ZNF44: variants seen among roughly 807,000 people sequenced by gnomAD.
The protein encoded by ZNF44 is zinc finger protein 44.
ZNF44 carries 9 observed loss-of-function variants against 11.7 expected under a neutral mutation model. The observed-to-expected ratio is 0.77, with a 90% confidence interval of 0.46 to 1.35. ZNF44 has a LOEUF of 1.35. Ranked by LOEUF, ZNF44 falls within the 40% of genes most tolerant of loss-of-function variation. The pLI, the probability that ZNF44 is intolerant of heterozygous loss-of-function variation, is 0.00. For missense variants in ZNF44, 696 were observed against 743.1 expected (o/e 0.94, Z 0.74); for synonymous variants, 224 against 242.7 (o/e 0.92, Z 0.72).
chr19:12,274,573 C>CTTT (rs561043995), intron 3 of ZNF44, among the ~76,000 whole-genome samples: 2 of 141,552 alleles, frequency 1.4e-5, no homozygotes, highest in African/African-American at 5.2e-5. Context: ...TGCGCCTGGC[C>CTTT]TTTTTTTTTT....
chr19:12,254,815 G>C (rs1917174729), intron 5 of ZNF44, among the ~76,000 whole-genome samples: 1 of 152,166 alleles, frequency 6.6e-6, no homozygotes, highest in Non-Finnish European at 1.5e-5. Context: ...GCTAGGCGTG[G>C]TGGCTCACGC....
intron 3 of ZNF44, among the ~76,000 whole-genome samples, chr19:12,227,742 TAG>T (rs1568416769): frequency 7.9e-5 from 12 of 152,244 alleles, no homozygotes; most frequent in African/African-American, 2.9e-4. Flanking sequence ...GTCAGAATTA[TAG>T]GAGTCTCCCA....
intron 5 of ZNF44, chr19:12,250,388 T>C (rs1333879924): frequency 7.4e-7 from 1 of 1,343,518 alleles, no homozygotes; most frequent in African/African-American, 1.5e-5. Flanking sequence ...TCCAAATGTG[T>C]GTAAAGGAGA....
chr19:12,240,124 A>G (rs1916558614), upstream of ZNF44, among the ~76,000 whole-genome samples: 1 of 152,090 alleles, frequency 6.6e-6, no homozygotes, highest in African/African-American at 2.4e-5. Context: ...TACAGATACA[A>G]TGCAACCCCT....
downstream of ZNF44, among the ~76,000 whole-genome samples, chr19:12,225,887 G>A (rs896618692): frequency 2.1e-4 from 32 of 152,068 alleles, no homozygotes; most frequent in African/African-American, 3.6e-4. Context: ...TAGAGGCAGC[G>A]CCTGCTGAAA....
At chr19:12,247,798 T>C in exon 8 of ZNF44, 1 of 1,301,462 alleles carries the variant, frequency 7.7e-7, no homozygotes, top group East Asian at 5.4e-5. Flanking sequence ...CCAGTGTGAG[T>C]ACTTTCATGT....
downstream of ZNF44, among the ~76,000 whole-genome samples, chr19:12,245,572 G>T (rs1485535868): frequency 2.0e-5 from 3 of 152,144 alleles, no homozygotes; most frequent in Admixed American, 2.0e-4. Context: ...CTATGTGACT[G>T]TATCACTGTA....
intron 1 of ZNF44, among the ~76,000 whole-genome samples, chr19:12,294,122 C>G (rs1968135539): frequency 6.6e-6 from 1 of 152,138 alleles, no homozygotes; most frequent in South Asian, 2.1e-4. Context: ...ATCTTGAATT[C>G]CAGCGGAAAG....
chr19:12,261,967 T>C (rs1433204651), intron 5 of ZNF44, among the ~76,000 whole-genome samples: 1 of 152,208 alleles, frequency 6.6e-6, no homozygotes, highest in Admixed American at 6.5e-5. Flanking sequence ...TTTTAACTTT[T>C]TTTAAACATA....
intron 5 of ZNF44, among the ~76,000 whole-genome samples, chr19:12,254,181 A>C (rs1917145337): frequency 6.6e-6 from 1 of 152,088 alleles, no homozygotes; most frequent in Admixed American, 6.5e-5. Context: ...AGATTAAAAA[A>C]AAAAAACACT....
At chr19:12,243,715 AG>A (rs1374427190), downstream of ZNF44, among the ~76,000 whole-genome samples, 10 of 151,482 alleles carry the variant, frequency 6.6e-5, no homozygotes, top group Non-Finnish European at 1.5e-4. Context: ...ATCACATGGT[AG>A]TTTTTGTTTT....
At chr19:12,292,998 T>A (rs1968083002) in intron 1 of ZNF44, among the ~76,000 whole-genome samples, 1 of 151,692 alleles carries the variant, frequency 6.6e-6, no homozygotes. Context: ...GCCTCCCATG[T>A]AGCTGGGATT....
intron 5 of ZNF44, among the ~76,000 whole-genome samples, chr19:12,256,440 G>A (rs941439899): frequency 1.3e-5 from 2 of 151,842 alleles, no homozygotes; most frequent in African/African-American, 2.4e-5. Flanking sequence ...AGTGAGCCGA[G>A]ATCCACTGCA....
intron 5 of ZNF44, among the ~76,000 whole-genome samples, chr19:12,263,680 C>T (rs766888990): frequency 1.3e-4 from 20 of 151,948 alleles, no homozygotes; most frequent in Non-Finnish European, 2.6e-4. Context: ...AATCCCAGCA[C>T]TTTGGGAGGC....
At chr19:12,288,774 GTATATATA>G (rs55971577) in intron 1 of ZNF44, among the ~76,000 whole-genome samples, 32 of 76,816 alleles carry the variant, frequency 4.2e-4, no homozygotes, top group African/African-American at 1.4e-3. Flanking sequence ...AAAAAAAAAT[GTATATATA>G]TATATATATA....
At chr19:12,240,669 T>C (rs1916584741), upstream of ZNF44, among the ~76,000 whole-genome samples, 1 of 152,174 alleles carries the variant, frequency 6.6e-6, no homozygotes, top group African/African-American at 2.4e-5. Context: ...AATGATTTTT[T>C]GACAACAGTG....
Position 12,250,248 on chromosome 19 carries a change from T to A in ZNF44, c.*119A>T, listed in dbSNP as rs781463748. ...GGAATGATTTCATTTTTACCTATAG[T>A]GGCCAGGTTCCTGAAGGTTTCCCAC... On this transcript the variant is annotated 3_prime_UTR_variant and NMD_transcript_variant, in exon 6 of 8. Transcript: ENST00000393337. 9.6e-6 allele frequency: 13 copies of A among 1,361,150 alleles called. No individual in the cohort carries two copies. In the South Asian group the frequency reaches 1.5e-4, roughly 16 times the overall value. The allele number at this position is 1,361,150 out of a possible 1,614,324, so 84.3% of individuals were successfully genotyped here. A position where few individuals can be genotyped will look rare whatever the true frequency, so the allele number is the denominator to read the frequency against.
intron 1 of ZNF44, among the ~76,000 whole-genome samples, chr19:12,286,061 T>C (rs1568456203): frequency 1.3e-5 from 2 of 151,960 alleles, no homozygotes; most frequent in South Asian, 2.1e-4. Flanking sequence ...AGCACTGCAA[T>C]GTGTGAGTAA....
At chr19:12,287,857 T>C (rs1333445635) in intron 1 of ZNF44, among the ~76,000 whole-genome samples, 5 of 152,228 alleles carry the variant, frequency 3.3e-5, no homozygotes, top group Admixed American at 2.6e-4. Flanking sequence ...ATTATATGGA[T>C]GGTATGTTAA....
Sources: allele counts gnomAD v4.1 joint callset (sites outside exome capture counted in the v4.1 genomes callset), GRCh38; gene constraint gnomAD v4.1.1; transcripts MANE v1.5; gene names NCBI Gene and HGNC (gene_info 2026-07-23, HGNC 2026-07-21).